AQP1: variants seen among roughly 807,000 people sequenced by gnomAD.
AQP1 encodes aquaporin 1 (Colton blood group), also known as aquaporin-1.
AQP1 carries 11 observed loss-of-function variants against 19.7 expected under a neutral mutation model. The ratio of observed to expected loss-of-function variants is 0.56; its 90% CI spans 0.35 to 0.92. AQP1 has a LOEUF of 0.92. AQP1 is among the 40% of genes least tolerant of loss of function. AQP1 has a pLI of 0.01. For missense variants in AQP1, 320 were observed against 369.7 expected, an observed-to-expected ratio of 0.87 and a Z score of 1.10; for synonymous variants, 159 against 166.7, an observed-to-expected ratio of 0.95 and a Z score of 0.36.
Position 30,924,005 on chromosome 7 carries a change from C to G in AQP1, c.*376C>G, listed in dbSNP as rs570527576. 81 of 1,357,502 alleles carry G rather than the reference C, an allele frequency of 6.0e-5. 1 individual carries two copies. The East Asian group carries it at 2.1e-3, about 35-fold the overall frequency. 84.1% of individuals were successfully genotyped at this position (1,357,502 alleles called of 1,614,324 possible). A position where few individuals can be genotyped will look rare whatever the true frequency, so the allele number is the denominator to read the frequency against. On this transcript the variant is annotated 3_prime_UTR_variant, in exon 4 of 4. Transcript: ENST00000311813. ...CCTGCGCAAGTGCCTGGGATTCTAC[C>G]GTAATTGCTTTGTGCCTTTGGGCAC...
In AQP1 at chr7:30,922,351, C is replaced by T. The variant is rs377411121; in HGVS notation, c.549+121C>T. The T allele has an allele frequency of 2.0e-4, 284 of 1,432,842 alleles. No individual in the cohort carries two copies. The African/African-American group carries it at 3.0e-3, about 15-fold the overall frequency. 88.8% of individuals were successfully genotyped at this position (1,432,842 alleles called of 1,614,324 possible). On this transcript the variant is annotated intron_variant, in intron 2 of 3. Coordinates refer to ENST00000311813, the MANE Select transcript of AQP1 (RefSeq NM_198098.4). ...GCTCTTGCCATTGGGTGGAGGATGG[C>T]GGGTCAGCGCTGGGGGCTGGGGGCA...
intron 1 of AQP1, among the ~76,000 whole-genome samples, chr7:30,917,466 G>T (rs1414822717): frequency 6.6e-6 from 1 of 152,200 alleles, no homozygotes; most frequent in East Asian, 1.9e-4. Context: ...TAAAGGCCTT[G>T]TTGAGACCTG....
chr7:30,912,246 T>C lies in AQP1; in HGVS notation c.337T>C (p.Ser113Pro). 6.2e-7 allele frequency: 1 copy of C among 1,607,548 alleles called. No individual in the cohort carries two copies. Among genetic ancestry groups the C allele is most frequent in the Non-Finnish European group, 8.5e-7 (1 of 1,179,924 alleles). ...GGCCATCGTCGCCACCGCCATCCTC[T>C]CAGGCATCACCTCCTCCCTGACTGG... ...VGAIVATAILSGITSSLTGNS... is the reference protein window; with the variant it reads ...VGAIVATAILPGITSSLTGNS... Residue 113 changes from serine (S) to proline (P), a missense_variant, in exon 1 of 4, where the codon TCA becomes CCA. Ser to Pro is a moderately conservative substitution (Grantham distance 74, BLOSUM62 -1). Transcript: ENST00000311813. The surrounding 1 kb of genome is among the most constrained non-coding windows in gnomAD (Gnocchi z 4.3).
rs1791180767 is a variant in AQP1 at position 30,912,080 on chromosome 7, G to A, written c.171G>A (p.Gly57=). 1 of 1,613,332 alleles carries A rather than the reference G, an allele frequency of 6.2e-7. No homozygotes were observed. Among genetic ancestry groups the A allele is most frequent in the South Asian group, 1.1e-5 (1 of 91,086 alleles). ...QDNVKVSLAF[G]LSIATLAQSV... ...ACGTGAAGGTGTCGCTGGCCTTCGG[G>A]CTGAGCATCGCCACGCTGGCGCAGA... The change falls in exon 1 of 4, where the codon GGG becomes GGA. Residue 57 remains glycine, a synonymous_variant. Coordinates refer to ENST00000311813, the MANE Select transcript of AQP1 (RefSeq NM_198098.4). The surrounding 1 kb of genome is among the most constrained non-coding windows in gnomAD (Gnocchi z 4.3).
intron 3 of AQP1, 121 bp downstream of exon 3, chr7:30,922,765 C>G: frequency 9.5e-7 from 1 of 1,058,050 alleles, no homozygotes; most frequent in Non-Finnish European, 1.5e-6. Context: ...GACAGGAAAT[C>G]AGGAAACTGA....
chr7:30,914,086 G>A (rs140710674), intron 1 of AQP1, among the ~76,000 whole-genome samples: 22 of 152,322 alleles, frequency 1.4e-4, no homozygotes, highest in African/African-American at 5.3e-4. Context: ...CGAGGCAGAG[G>A]CGGGAGGGTG....
At chr7:30,921,185 A>T in intron 1 of AQP1, 1 of 791,094 alleles carries the variant, frequency 1.3e-6, no homozygotes, top group Non-Finnish European at 1.6e-6. Context: ...CACAAAGCAT[A>T]GTGGAAGGTG....
intron 1 of AQP1, among the ~76,000 whole-genome samples, chr7:30,915,068 A>G (rs1436389048): frequency 6.6e-6 from 1 of 152,224 alleles, no homozygotes; most frequent in East Asian, 1.9e-4. Flanking sequence ...GTGTGGCCCT[A>G]GTTCCTGTCT....
Position 30,922,104 on chromosome 7 carries a change from C to A in AQP1, c.423C>A (p.Ile141=), listed in dbSNP as rs749346080. Residue 141 remains isoleucine, a synonymous_variant, in exon 2 of 4, where the codon ATC becomes ATA. Coordinates refer to ENST00000311813, the MANE Select transcript of AQP1 (RefSeq NM_198098.4). ...DGVNSGQGLG[I]EIIGTLQLVL... ...TGAACTCGGGCCAGGGCCTGGGCAT[C>A]GAGATCATCGGGACCCTCCAGCTGG... is the stretch of plus-strand genomic sequence containing the variant. 1.2e-6 allele frequency: 2 copies of A among 1,614,122 alleles called. No homozygotes were observed. Among genetic ancestry groups the A allele is most frequent in the Non-Finnish European group, 1.7e-6 (2 of 1,180,036 alleles).
At position 30,922,241 on chromosome 7, in the gene AQP1, G is replaced by T. The variant is rs778632023; in HGVS notation, c.549+11G>T. ...GGACACCTCCTGGCTGTGAGTCAGG[G>T]GCCCTCCCAGATGGAGGTGGGGGAA... On this transcript the variant is annotated intron_variant, in intron 2 of 3. Coordinates refer to ENST00000311813, the MANE Select transcript of AQP1 (RefSeq NM_198098.4). 20 of 1,586,908 alleles carry T rather than the reference G, an allele frequency of 1.3e-5. No homozygotes were observed. Among genetic ancestry groups the T allele is most frequent in the Non-Finnish European group, 1.6e-5 (19 of 1,171,920 alleles).
intron 1 of AQP1, among the ~76,000 whole-genome samples, chr7:30,917,701 C>A (rs1310119287): frequency 6.6e-6 from 1 of 152,196 alleles, no homozygotes; most frequent in Non-Finnish European, 1.5e-5. Flanking sequence ...GTCAGTACCT[C>A]ATCAGTTGAT....
chr7:30,919,835 T>C (rs776398249), intron 1 of AQP1, among the ~76,000 whole-genome samples: 4 of 152,124 alleles, frequency 2.6e-5, no homozygotes, highest in Non-Finnish European at 4.4e-5. Flanking sequence ...GTGTATTAGA[T>C]AGTTGAAGGA....
Position 30,922,143 on chromosome 7 carries a change from G to A in AQP1, c.462G>A (p.Leu154=), listed in dbSNP as rs1562580274. The stretch of plus-strand genomic sequence containing the variant: ...CCCTCCAGCTGGTGCTATGCGTGCT[G>A]GCTACTACCGACCGGAGGCGCCGTG... ...IGTLQLVLCV[L]ATTDRRRRDL... The change falls in exon 2 of 4, where the codon CTG becomes CTA. Residue 154 remains leucine (L), a synonymous_variant. Transcript: ENST00000311813. 1 of 1,613,952 alleles carries A rather than the reference G, an allele frequency of 6.2e-7. No individual in the cohort carries two copies. Among genetic ancestry groups the A allele is most frequent in the Admixed American group, 1.7e-5 (1 of 60,028 alleles).
rs1404834504 is a variant in AQP1, at chr7:30,924,988, C to T, written c.*1359C>T. On this transcript the variant is annotated 3_prime_UTR_variant, in exon 4 of 4. Coordinates refer to ENST00000311813, the MANE Select transcript of AQP1 (RefSeq NM_198098.4). ...CAGGATCAGCTTTGAAGGCTGGATT[C>T]TATCTACATAAGTCCTTTCAATTCC... 1 of 152,278 alleles carries T rather than the reference C, an allele frequency of 6.6e-6. No homozygotes were observed. Among genetic ancestry groups the T allele is most frequent in the East Asian group, 1.9e-4 (1 of 5,200 alleles). The allele number at this position is 152,278 out of a possible 1,614,324, so 9.4% of individuals were successfully genotyped here. A position where few individuals can be genotyped will look rare whatever the true frequency, so the allele number is the denominator to read the frequency against.
intron 2 of AQP1, 129 bp downstream of exon 2, chr7:30,922,359 C>T (rs756238595): frequency 3.6e-5 from 51 of 1,421,240 alleles, no homozygotes; most frequent in Non-Finnish European, 4.0e-5. Context: ...GGCGGGTCAG[C>T]GCTGGGGGCT....
chr7:30,917,239 G>A (rs542971407), intron 1 of AQP1, among the ~76,000 whole-genome samples: 143 of 152,298 alleles, frequency 9.4e-4, no homozygotes, highest in African/African-American at 3.8e-4. Flanking sequence ...GTGCTCTTAC[G>A]TGGAGGACAC....
Position 30,911,919 on chromosome 7 carries a change from G to C in AQP1, c.10G>C (p.Glu4Gln), listed in dbSNP as rs1401166675. ...CAAGCCCCCTGCCAGCATGGCCAGC[G>C]AGTTCAAGAAGAAGCTCTTCTGGAG... MAS[E>Q]FKKKLFWRAV... is the part of the protein sequence containing the mutation. Residue 4 changes from glutamate to glutamine, a missense_variant, in exon 1 of 4, where the codon GAG becomes CAG. Glu to Gln is a conservative substitution (Grantham distance 29). Transcript: ENST00000311813. The C allele has an allele frequency of 3.7e-6, 6 of 1,613,112 alleles. No individual in the cohort carries two copies. Among genetic ancestry groups the C allele is most frequent in the Non-Finnish European group, 8.5e-7 (1 of 1,180,026 alleles).
chr7:30,921,391 G>C, intron 1 of AQP1: 3 of 1,413,936 alleles, frequency 2.1e-6, no homozygotes, highest in Non-Finnish European at 2.8e-6. Flanking sequence ...GCCAGCAGTG[G>C]GGAGGAAGAA....
intron 1 of AQP1, among the ~76,000 whole-genome samples, chr7:30,914,459 C>G (rs1375055823): frequency 6.6e-6 from 1 of 152,248 alleles, no homozygotes; most frequent in African/African-American, 2.4e-5. Flanking sequence ...CAGTGCTGAA[C>G]ATAAGGGCGC....
Sources: gnomAD v4.1 joint callset for allele counts (sites outside exome capture counted in the v4.1 genomes callset) on GRCh38, gnomAD v4.1.1 for gene constraint, Gnocchi (gnomAD v3.1) non-coding constraint, MANE v1.5 for transcripts, NCBI Gene and HGNC (gene_info 2026-07-23, HGNC 2026-07-21) for gene names.